The following ZBTB47 variants were observed in gnomAD, a reference collection of about 807,000 sequenced individuals.
ZBTB47 encodes zinc finger and BTB domain containing 47.
Under a neutral mutation model 56.6 loss-of-function variants are expected in ZBTB47, and 24 were observed. That is an observed-to-expected ratio of 0.42 (90% CI 0.31 to 0.60). The LOEUF is 0.60. Among genes scored for constraint, ZBTB47 ranks in the 20% least tolerant of loss-of-function variants. The probability of loss-of-function intolerance (pLI) is 0.14; values close to 1 mark genes in which losing one functional copy is unlikely to be tolerated. For missense variants in ZBTB47, 829 were observed against 1,032.6 expected (o/e 0.80, Z 2.70); for synonymous variants, 414 against 418.9 (o/e 0.99, Z 0.14).
Position 42,658,956 on chromosome 3 carries a change from G to A in ZBTB47, c.601G>A (p.Gly201Ser), listed in dbSNP as rs775482924. 555 of 1,505,056 alleles carry A rather than the reference G, an allele frequency of 3.7e-4. 2 individuals carry two copies. Among genetic ancestry groups the A allele is most frequent in the South Asian group, 3.1e-4 (24 of 78,212 alleles). 93.2% of individuals were successfully genotyped at this position (1,505,056 alleles called of 1,614,324 possible). The change falls in exon 2 of 6, where the codon GGT (glycine) becomes AGT (serine). Residue 201 changes from glycine (G) to serine (S), a missense_variant. By Grantham distance (56) the Gly-to-Ser change is moderately conservative (BLOSUM62 0). Coordinates refer to ENST00000232974, the MANE Select transcript of ZBTB47 (RefSeq NM_145166.4). Reference protein sequence around the residue: ...EEKEGGVEEAGGPPASLCKLE... With the variant: ...EEKEGGVEEASGPPASLCKLE... ...GAAGGAGGGTGGTGTCGAGGAGGCC[G>A]GTGGGCCCCCAGCCAGCTTGTGCAA...
At position 42,664,404 on chromosome 3, in the gene ZBTB47, C is replaced by T. The variant is rs775795719; in HGVS notation, c.2050C>T (p.Arg684Cys). The change falls in exon 6 of 6, where the codon CGC (arginine) becomes TGC (cysteine). Residue 684 changes from arginine (R) to cysteine (C), a missense_variant. Arg to Cys is a radical substitution (Grantham distance 180). This residue lies in a region of ZBTB47 where 115 missense variants were observed against 117.2 expected (regional missense o/e 0.98). Transcript: ENST00000232974. ...CAAGGCCCACAAGGAGAAGTGCTTCCGCGTCAGCCACACCCTGGCCGGCGA... is the reference window on the plus strand; with the variant it reads ...CAAGGCCCACAAGGAGAAGTGCTTCTGCGTCAGCCACACCCTGGCCGGCGA... ...MLKAHKEKCF[R>C]VSHTLAGDGV... 1.3e-5 allele frequency: 21 copies of T among 1,585,356 alleles called. No individual in the cohort carries two copies. The highest frequency in any genetic ancestry group is 1.8e-5 in the Non-Finnish European group (21 of 1,167,720).
intron 2 of ZBTB47, among the ~76,000 whole-genome samples, chr3:42,660,786 A>T (rs1318405555): frequency 5.9e-5 from 9 of 152,050 alleles, no homozygotes; most frequent in African/African-American, 1.7e-4. Context: ...TGCGCACCTG[A>T]GTCTCCCTCC....
chr3:42,657,657 GA>G, intron 1 of ZBTB47, among the ~76,000 whole-genome samples: 1 of 152,350 alleles, frequency 6.6e-6, no homozygotes, highest in South Asian at 2.1e-4. Flanking sequence ...CTGTTGCGAT[GA>G]GGGGTTCCCT....
At chr3:42,660,437 G>C (rs1283209447) in intron 2 of ZBTB47, among the ~76,000 whole-genome samples, 2 of 152,186 alleles carry the variant, frequency 1.3e-5, no homozygotes, top group African/African-American at 4.8e-5. Flanking sequence ...AAAGGGATTG[G>C]GTGAGAAATT....
rs755467284 is a variant in ZBTB47, at chr3:42,659,201, C to T, written c.846C>T (p.Asp282=). 16 of 1,521,194 alleles carry T rather than the reference C, an allele frequency of 1.1e-5. No individual in the cohort carries two copies. Among genetic ancestry groups the T allele is most frequent in the South Asian group, 3.7e-5 (3 of 80,996 alleles). 94.2% of individuals were successfully genotyped at this position (1,521,194 alleles called of 1,614,324 possible). A position where few individuals can be genotyped will look rare whatever the true frequency, so the allele number is the denominator to read the frequency against. ...GACACTCGGACGAGGAGGAGGAGGA[C>T]GACGAGGAGGAGGAGGAGGAAGAAG... ...LQRHSDEEEE[D]DEEEEEEEEE... is the part of the protein sequence containing the mutation. Residue 282 remains aspartate, a synonymous_variant, in exon 2 of 6, where the codon GAC becomes GAT. Transcript: ENST00000232974.
rs377118403 is a variant in ZBTB47 at position 42,664,343 on chromosome 3, C to A, written c.1989C>A (p.Asp663Glu). The A allele has an allele frequency of 2.5e-6, 4 of 1,612,750 alleles. No homozygotes were observed. Among genetic ancestry groups the A allele is most frequent in the Non-Finnish European group, 3.4e-6 (4 of 1,179,578 alleles). The change falls in exon 6 of 6, where the codon GAC becomes GAA. Residue 663 changes from aspartate to glutamate, a missense_variant. This residue lies in a region of ZBTB47 where 44 missense variants were observed against 76.7 expected (regional missense o/e 0.57). Coordinates refer to ENST00000232974, the MANE Select transcript of ZBTB47 (RefSeq NM_145166.4). Reference protein sequence around the residue: ...THTGEKPYPCDVCGQRFRFSN... With the variant: ...THTGEKPYPCEVCGQRFRFSN... ...CGGGCGAGAAGCCGTACCCGTGCGA[C>A]GTGTGTGGCCAGCGCTTCCGCTTCT...
chr3:42,663,257 C>T lies in ZBTB47; in HGVS notation c.1737+130C>T. 1.5e-6 allele frequency: 1 copy of T among 681,402 alleles called. No individual in the cohort carries two copies. Among genetic ancestry groups the T allele is most frequent in the South Asian group, 1.7e-5 (1 of 57,246 alleles). 42.2% of individuals were successfully genotyped at this position (681,402 alleles called of 1,614,324 possible). On this transcript the variant is annotated intron_variant, in intron 4 of 5. Coordinates refer to ENST00000232974, the MANE Select transcript of ZBTB47 (RefSeq NM_145166.4). The surrounding 1 kb of genome is among the most constrained non-coding windows in gnomAD (Gnocchi z 5.1). The stretch of plus-strand genomic sequence containing the variant: ...GTGTCCAGAAAGAGAGAGCCCTGCC[C>T]TCTGAGGTCTGCAGCCCCTGCCTCC...
intron 1 of ZBTB47, among the ~76,000 whole-genome samples, chr3:42,655,286 C>A (rs957750940): frequency 1.3e-5 from 2 of 152,178 alleles, no homozygotes; most frequent in African/African-American, 2.4e-5. Flanking sequence ...TCTGGGCCCC[C>A]CCACTGCTGC....
chr3:42,662,943 G>T, intron 3 of ZBTB47, 69 bp from the exon 4 acceptor site: 1 of 1,162,368 alleles, frequency 8.6e-7, no homozygotes, highest in Non-Finnish European at 1.3e-6. Context: ...AGGAGGCAGG[G>T]TCTGGGCCCA....
At position 42,663,219 on chromosome 3, in the gene ZBTB47, G is replaced by C; in HGVS notation, c.1737+92G>C. 2.1e-6 allele frequency: 2 copies of C among 951,980 alleles called. No individual in the cohort carries two copies. Among genetic ancestry groups the C allele is most frequent in the Non-Finnish European group, 3.4e-6 (2 of 593,010 alleles). 59.0% of individuals were successfully genotyped at this position (951,980 alleles called of 1,614,324 possible). ...CAGCTGCTGAAAAACAAAGGGCTAG[G>C]GGGTGGAATGTAGTGTCCAGAAAGA... On this transcript the variant is annotated intron_variant, in intron 4 of 5. Transcript: ENST00000232974. This position sits in a 1 kb window ranked among gnomAD's most constrained non-coding sequence, Gnocchi z 5.1.
rs529180497 is a variant in ZBTB47, at chr3:42,663,493, G to A, written c.1738-304G>A. 2.4e-4 allele frequency among the ~76,000 whole-genome samples: 36 copies of A among 152,068 alleles called. No homozygotes were observed. The highest frequency in any genetic ancestry group is 4.1e-4 in the African/African-American group (17 of 41,470). On this transcript the variant is annotated intron_variant, in intron 4 of 5. Coordinates refer to ENST00000232974, the MANE Select transcript of ZBTB47 (RefSeq NM_145166.4). This position sits in a 1 kb window ranked among gnomAD's most constrained non-coding sequence, Gnocchi z 5.1. ...GGGGAGGTGGGGGCAGGGGCTGGGC[G>A]TCTGATCAGGAGGAAGGATGAGGGA...
chr3:42,655,297 C>T (rs1157500309), intron 1 of ZBTB47, among the ~76,000 whole-genome samples: 1 of 152,160 alleles, frequency 6.6e-6, no homozygotes, highest in Non-Finnish European at 1.5e-5. Context: ...CCACTGCTGC[C>T]CAGCATAGAA....
chr3:42,655,562 G>A (rs754054951), intron 1 of ZBTB47, among the ~76,000 whole-genome samples: 2 of 152,232 alleles, frequency 1.3e-5, no homozygotes, highest in African/African-American at 2.4e-5. Flanking sequence ...CCACCTCCCT[G>A]GTCCTGCATC....
At position 42,658,970 on chromosome 3, in the gene ZBTB47, C is replaced by T. The variant is rs1232085051; in HGVS notation, c.615C>T (p.Ala205=). The T allele has an allele frequency of 6.6e-7, 1 of 1,512,382 alleles. No individual in the cohort carries two copies. The highest frequency in any genetic ancestry group is 8.8e-7 in the Non-Finnish European group (1 of 1,135,724). 93.7% of individuals were successfully genotyped at this position (1,512,382 alleles called of 1,614,324 possible). ...TCGAGGAGGCCGGTGGGCCCCCAGC[C>T]AGCTTGTGCAAGCTGGAGGGTGGAG... ...GGVEEAGGPP[A]SLCKLEGGEE... The change falls in exon 2 of 6, where the codon GCC becomes GCT. Residue 205 remains alanine, a synonymous_variant. Coordinates refer to ENST00000232974, the MANE Select transcript of ZBTB47 (RefSeq NM_145166.4).
intron 1 of ZBTB47, among the ~76,000 whole-genome samples, chr3:42,657,699 A>C (rs1296712865): frequency 6.6e-6 from 1 of 152,138 alleles, no homozygotes; most frequent in Non-Finnish European, 1.5e-5. Context: ...CTGTAGCCAG[A>C]GACTGGGCAG....
At chr3:42,655,166 T>C (rs1213477721) in intron 1 of ZBTB47, among the ~76,000 whole-genome samples, 2 of 152,128 alleles carry the variant, frequency 1.3e-5, no homozygotes, top group Non-Finnish European at 2.9e-5. Context: ...CCTCTCTGGG[T>C]CTATTTCCAA....
rs117507799 is a variant in ZBTB47, at chr3:42,656,933, T to C, written c.-81-1342T>C. On this transcript the variant is annotated intron_variant, in intron 1 of 5. Transcript: ENST00000232974. This position sits in a 1 kb window ranked among gnomAD's most constrained non-coding sequence, Gnocchi z 5.8. Reference sequence around the variant, plus strand: ...ACTGACAGCTATGGAGCTGATGGTTTTGTGGCCATCAAAATATTGTGGCAA... The same window carrying C: ...ACTGACAGCTATGGAGCTGATGGTTCTGTGGCCATCAAAATATTGTGGCAA... Among the ~76,000 whole-genome samples the C allele has an allele frequency of 6.5e-4, 99 of 152,206 alleles. 3 individuals carry two copies. In the East Asian group the frequency reaches 0.016, roughly 24 times the overall value.
chr3:42,663,968 C>A lies in ZBTB47; in HGVS notation c.1882+27C>A. The A allele has an allele frequency of 6.3e-7, 1 of 1,594,802 alleles. No individual in the cohort carries two copies. The highest frequency in any genetic ancestry group is 2.3e-5 in the East Asian group (1 of 44,026). On this transcript the variant is annotated intron_variant, in intron 5 of 5. Transcript: ENST00000232974. This position sits in a 1 kb window ranked among gnomAD's most constrained non-coding sequence, Gnocchi z 5.1. ...TGCGGCTGCCCCTGGGGACGGAGCT[C>A]GGTGCCGGGCCTGGGACCCCTTCTC...
At position 42,665,482 on chromosome 3, in the gene ZBTB47, T is replaced by G. The variant is rs556085270; in HGVS notation, c.*884T>G. 1 of 152,790 alleles carries G rather than the reference T, an allele frequency of 6.5e-6. No individual in the cohort carries two copies. The highest frequency in any genetic ancestry group is 2.1e-4 in the South Asian group (1 of 4,814). The allele number at this position is 152,790 out of a possible 1,614,324, so 9.5% of individuals were successfully genotyped here. ...GAGGCTTGGGCAGTGCTGGTAGGGT[T>G]TCAAGGTGCTATTAGTGGGGCAGGG... is the stretch of plus-strand genomic sequence containing the variant. On this transcript the variant is annotated 3_prime_UTR_variant, in exon 6 of 6. Transcript: ENST00000232974.
Sources: allele counts gnomAD v4.1 joint callset (sites outside exome capture counted in the v4.1 genomes callset), GRCh38; gene constraint gnomAD v4.1.1; regional missense constraint gnomAD v4.1.1; non-coding constraint Gnocchi (gnomAD v3.1); transcripts MANE v1.5; gene names NCBI Gene and HGNC (gene_info 2026-07-23, HGNC 2026-07-21).